The following FMN1 variants were observed in gnomAD, a reference collection of about 807,000 sequenced individuals.
The protein encoded by FMN1 is formin-1.
Under a neutral mutation model 132.4 loss-of-function variants are expected in FMN1, and 110 were observed. That is an observed-to-expected ratio of 0.83 (90% CI 0.71 to 0.97). FMN1 has a LOEUF of 0.97. Among genes scored for constraint, FMN1 ranks in the 50% least tolerant of loss-of-function variants. FMN1 has a pLI of 0.00. For synonymous variants in FMN1, 722 were observed against 651.7 expected (o/e 1.11, Z -1.64); for missense variants, 1,792 against 1,705.3 (o/e 1.05, Z -0.90).
intron 2 of FMN1, among the ~76,000 whole-genome samples, chr15:33,182,272 T>A (rs1965731017): frequency 6.6e-6 from 1 of 152,126 alleles, no homozygotes; most frequent in Admixed American, 6.6e-5. Flanking sequence ...TTCAAGTGGG[T>A]TCTTAGAAAT....
At chr15:33,067,815 C>A in intron 5 of FMN1, 1 of 1,614,012 alleles carries the variant, frequency 6.2e-7, no homozygotes, top group South Asian at 1.1e-5. Context: ...TGAGCCACTT[C>A]AAGTCCGGCT....
chr15:33,013,614 T>C (rs1479546266), intron 6 of FMN1, among the ~76,000 whole-genome samples: 1 of 152,198 alleles, frequency 6.6e-6, no homozygotes, highest in Non-Finnish European at 1.5e-5. Flanking sequence ...AAAATACTTC[T>C]CTTTTGAAAA....
intron 6 of FMN1, among the ~76,000 whole-genome samples, chr15:33,017,206 T>C (rs1489711499): frequency 6.6e-6 from 1 of 152,118 alleles, no homozygotes; most frequent in Admixed American, 6.5e-5. Flanking sequence ...AGGGGGTTTT[T>C]AGGACAGTGC....
chr15:32,950,999 A>T (rs886303120), intron 9 of FMN1, among the ~76,000 whole-genome samples: 4 of 151,942 alleles, frequency 2.6e-5, no homozygotes, highest in Non-Finnish European at 4.4e-5. Context: ...TAAAGTCTTA[A>T]TATTGCTTGA....
At chr15:33,178,009 A>T (rs1418038503) in intron 3 of FMN1, among the ~76,000 whole-genome samples, 1 of 152,196 alleles carries the variant, frequency 6.6e-6, no homozygotes, top group Non-Finnish European at 1.5e-5. Flanking sequence ...ACTCTGTCTC[A>T]AAAAAGAAAA....
chr15:33,067,663 G>A, intron 5 of FMN1: 2 of 1,614,000 alleles, frequency 1.2e-6, no homozygotes, highest in Non-Finnish European at 1.7e-6. Context: ...AGCCATTGCT[G>A]GAATCATCCT....
chr15:32,837,717 T>C (rs1434751283), intron 17 of FMN1, among the ~76,000 whole-genome samples: 1 of 152,226 alleles, frequency 6.6e-6, no homozygotes, highest in African/African-American at 2.4e-5. Context: ...GCGTCAGATA[T>C]ATAGGGTCTT....
Position 33,067,152 on chromosome 15 carries a change from C to T in FMN1, c.2044-2078G>A, listed in dbSNP as rs767098059. The T allele has an allele frequency of 8.1e-6, 13 of 1,613,954 alleles. No homozygotes were observed. In the East Asian group the frequency reaches 2.9e-4, roughly 36 times the overall value. On this transcript the variant is annotated intron_variant, in intron 5 of 20. Coordinates refer to ENST00000616417, the MANE Select transcript of FMN1 (RefSeq NM_001277313.2). ...ACACTCGAATTCTGGTTTGTTACTG[C>T]AGGTAGGTCTTGGGACCCTTCTTCT...
At chr15:32,827,917 T>A (rs1238399803) in intron 17 of FMN1, among the ~76,000 whole-genome samples, 1 of 151,680 alleles carries the variant, frequency 6.6e-6, no homozygotes, top group African/African-American at 2.4e-5. Context: ...TGTGACTAAC[T>A]TAAGAACATG....
chr15:33,047,145 G>A (rs889612650), intron 6 of FMN1, among the ~76,000 whole-genome samples: 3 of 152,154 alleles, frequency 2.0e-5, no homozygotes, highest in African/African-American at 7.2e-5. Flanking sequence ...GTACTTTCTG[G>A]TTAATGTCTG....
At chr15:32,982,312 G>A (rs1305688318) in intron 7 of FMN1, among the ~76,000 whole-genome samples, 1 of 152,138 alleles carries the variant, frequency 6.6e-6, no homozygotes, top group African/African-American at 2.4e-5. Flanking sequence ...TCAGATTGCT[G>A]ATGGGAATGG....
At chr15:32,935,689 G>A (rs565197045) in intron 9 of FMN1, among the ~76,000 whole-genome samples, 146 of 151,620 alleles carry the variant, frequency 9.6e-4, no homozygotes, top group African/African-American at 2.6e-3. Context: ...GTGCAATGGC[G>A]TGATCTTGGC....
At chr15:32,789,349 C>T (rs1458609386) in intron 19 of FMN1, among the ~76,000 whole-genome samples, 1 of 152,116 alleles carries the variant, frequency 6.6e-6, no homozygotes, top group Non-Finnish European at 1.5e-5. Flanking sequence ...ATGAAGGACA[C>T]CGTATGTGAT....
At chr15:32,819,118 C>T (rs1440465594) in intron 17 of FMN1, among the ~76,000 whole-genome samples, 2 of 152,260 alleles carry the variant, frequency 1.3e-5, no homozygotes, top group Admixed American at 1.3e-4. Context: ...GAAGAAGAAC[C>T]CCACATGTTC....
chr15:32,917,203 G>T (rs2060706222), intron 10 of FMN1, among the ~76,000 whole-genome samples: 1 of 152,182 alleles, frequency 6.6e-6, no homozygotes, highest in Non-Finnish European at 1.5e-5. Context: ...CGGAGGCAAG[G>T]CCAGGGGACC....
At chr15:33,193,553 C>G (rs1359246061) in intron 2 of FMN1, among the ~76,000 whole-genome samples, 1 of 152,148 alleles carries the variant, frequency 6.6e-6, no homozygotes, top group African/African-American at 2.4e-5. Context: ...GTCAGGTTGT[C>G]TGCTACTCCA....
At chr15:32,923,602 C>T (rs976203330) in intron 10 of FMN1, among the ~76,000 whole-genome samples, 34 of 152,144 alleles carry the variant, frequency 2.2e-4, no homozygotes, top group Non-Finnish European at 5.0e-4. Context: ...AACATTCGGA[C>T]GCTGAAATGA....
chr15:32,890,239 G>A (rs1268622785), intron 15 of FMN1, among the ~76,000 whole-genome samples: 1 of 152,186 alleles, frequency 6.6e-6, no homozygotes, highest in East Asian at 1.9e-4. Context: ...ACATGCACGT[G>A]CAAGTATCTT....
chr15:32,863,064 T>C (rs1359112207), intron 16 of FMN1, among the ~76,000 whole-genome samples: 2 of 152,322 alleles, frequency 1.3e-5, no homozygotes, highest in Middle Eastern at 3.4e-3. Context: ...CAATGGGGCT[T>C]AGATGAGAGA....
Sources: gnomAD v4.1 joint callset for allele counts (sites outside exome capture counted in the v4.1 genomes callset) on GRCh38, gnomAD v4.1.1 for gene constraint, MANE v1.5 for transcripts, NCBI Gene and HGNC (gene_info 2026-07-23, HGNC 2026-07-21) for gene names.